Variants in LAMA2 observed in about 807,000 individuals in gnomAD.
The protein encoded by LAMA2 is laminin subunit alpha 2.
In LAMA2, 269 loss-of-function variants were observed where a neutral mutation model predicts 364.8. The observed-to-expected ratio is 0.74, with a 90% CI of 0.67 to 0.82. The LOEUF is 0.82. LAMA2 is among the 40% of genes least tolerant of loss of function. The pLI is 0.00. For missense variants in LAMA2, 3,807 were observed against 3,873.2 expected (o/e 0.98, Z 0.45); for synonymous variants, 1,379 against 1,370.6 (o/e 1.01, Z -0.14).
rs554964483 is a variant in LAMA2, at chr6:129,304,728, A to C, written c.3174+3856A>C. Among the ~76,000 whole-genome samples the C allele has an allele frequency of 3.9e-5, 6 of 152,236 alleles. No individual in the cohort carries two copies. The East Asian group carries it at 9.6e-4, about 24-fold the overall frequency. ...TTTCACTTGGTTTAATATAATCTTT[A>C]ATTTATTTTGGGGATAATGTTTAGT... On this transcript the variant is annotated intron_variant, in intron 22 of 64. Coordinates refer to ENST00000421865, the MANE Select transcript of LAMA2 (RefSeq NM_000426.4).
intron 1 of LAMA2, among the ~76,000 whole-genome samples, chr6:128,951,902 G>A (rs907598091): frequency 6.6e-6 from 1 of 152,148 alleles, no homozygotes; most frequent in African/African-American, 2.4e-5. Context: ...TCACACAGGT[G>A]TGTGGTAATC....
chr6:129,283,583 C>T (rs149875681), intron 18 of LAMA2, among the ~76,000 whole-genome samples: 398 of 151,830 alleles, frequency 2.6e-3, no homozygotes, highest in Middle Eastern at 0.014. Context: ...ACTAATCTCA[C>T]AATTGCCACT....
intron 3 of LAMA2, among the ~76,000 whole-genome samples, chr6:129,081,098 A>T (rs1401133511): frequency 1.3e-5 from 2 of 152,216 alleles, no homozygotes; most frequent in Non-Finnish European, 2.9e-5. Flanking sequence ...TTGTAGGGAT[A>T]TGGATGAAGC....
At chr6:129,326,543 C>T (rs1041852252) in intron 28 of LAMA2, among the ~76,000 whole-genome samples, 1 of 151,626 alleles carries the variant, frequency 6.6e-6, no homozygotes, top group African/African-American at 2.4e-5. Context: ...AGGAAACTTC[C>T]TCTCAATTTG....
At chr6:129,266,646 G>T (rs528789970) in intron 15 of LAMA2, among the ~76,000 whole-genome samples, 2 of 152,194 alleles carry the variant, frequency 1.3e-5, no homozygotes, top group East Asian at 3.9e-4. Context: ...ATGACGTTAA[G>T]GGCAATTAGT....
In LAMA2 at chr6:129,115,512, G is replaced by T. The variant is rs1417521375; in HGVS notation, c.639+17097G>T. Among the ~76,000 whole-genome samples the T allele has an allele frequency of 2.6e-5, 4 of 152,036 alleles. No homozygotes were observed. The East Asian group carries it at 7.7e-4, about 29-fold the overall frequency. ...CTGTTTATTCATTTTAAAGAGACAT[G>T]GTTAAGTAAGTCTAACAGCCTCCTT... On this transcript the variant is annotated intron_variant, in intron 4 of 64. Coordinates refer to ENST00000421865, the MANE Select transcript of LAMA2 (RefSeq NM_000426.4).
intron 12 of LAMA2, among the ~76,000 whole-genome samples, chr6:129,207,960 G>A (rs1264877363): frequency 6.6e-6 from 1 of 152,182 alleles, no homozygotes; most frequent in African/African-American, 2.4e-5. Flanking sequence ...AGAGGGAACT[G>A]GTTGGGATTC....
intron 3 of LAMA2, among the ~76,000 whole-genome samples, chr6:129,077,171 T>A (rs1209383314): frequency 6.6e-6 from 1 of 152,178 alleles, no homozygotes; most frequent in African/African-American, 2.4e-5. Context: ...ATTTTTTTGC[T>A]TCTTCATTAT....
chr6:128,907,242 A>C (rs1365851712), intron 1 of LAMA2, among the ~76,000 whole-genome samples: 1 of 141,786 alleles, frequency 7.1e-6, no homozygotes, highest in African/African-American at 2.7e-5. Flanking sequence ...GGCCATTTTC[A>C]CGATATTGAT....
intron 53 of LAMA2, 128 bp from the exon 54 acceptor site, chr6:129,478,565 C>A: frequency 2.1e-6 from 2 of 934,500 alleles, no homozygotes; most frequent in South Asian, 1.4e-5. Context: ...GCTGGGTACA[C>A]GTGTGCACAG....
intron 12 of LAMA2, among the ~76,000 whole-genome samples, chr6:129,240,768 A>G (rs894031031): frequency 1.3e-5 from 2 of 152,238 alleles, no homozygotes; most frequent in Admixed American, 6.5e-5. Context: ...AAATGCATTT[A>G]TAACTTATAA....
chr6:129,016,655 G>A (rs545381316), intron 1 of LAMA2, among the ~76,000 whole-genome samples: 1 of 151,986 alleles, frequency 6.6e-6, no homozygotes, highest in Admixed American at 6.5e-5. Flanking sequence ...CTAGATAGAA[G>A]TCAGGATACT....
At chr6:128,924,409 G>A (rs751343615) in intron 1 of LAMA2, among the ~76,000 whole-genome samples, 4 of 151,992 alleles carry the variant, frequency 2.6e-5, no homozygotes, top group East Asian at 1.9e-4. Flanking sequence ...TGCTCATAAA[G>A]GAGAAAGAGG....
intron 18 of LAMA2, among the ~76,000 whole-genome samples, chr6:129,284,596 T>C (rs978581210): frequency 2.6e-5 from 4 of 152,174 alleles, no homozygotes; most frequent in East Asian, 1.9e-4. Context: ...TATTGTTTCA[T>C]TGTTTTCAGT....
chr6:129,192,754 G>A lies in LAMA2; in HGVS notation c.1683G>A (p.Leu561=), dbSNP rs773590228. 14 of 1,614,036 alleles carry A rather than the reference G, an allele frequency of 8.7e-6. No homozygotes were observed. Among genetic ancestry groups the A allele is most frequent in the Non-Finnish European group, 1.7e-6 (2 of 1,180,030 alleles). Residue 561 remains leucine (L), a synonymous_variant, in exon 12 of 65, where the codon TTG becomes TTA. Coordinates refer to ENST00000421865, the MANE Select transcript of LAMA2 (RefSeq NM_000426.4). ...RIRVAPQQDD[L]DSPQQISISN... Reference sequence around the variant, plus strand: ...GAGTGGCTCCCCAGCAGGACGACTTGGACTCACCTCAGCAGATCAGCATCA... The same window carrying A: ...GAGTGGCTCCCCAGCAGGACGACTTAGACTCACCTCAGCAGATCAGCATCA...
intron 22 of LAMA2, among the ~76,000 whole-genome samples, chr6:129,303,287 C>G (rs1773662726): frequency 6.6e-6 from 1 of 152,064 alleles, no homozygotes; most frequent in African/African-American, 2.4e-5. Flanking sequence ...TATACCTTAT[C>G]CTTCTATACT....
chr6:129,246,980 C>T (rs1785795117), intron 12 of LAMA2, among the ~76,000 whole-genome samples: 1 of 152,012 alleles, frequency 6.6e-6, no homozygotes, highest in Non-Finnish European at 1.5e-5. Flanking sequence ...GGTATGTACT[C>T]TTTGGGGAAG....
chr6:128,910,812 C>T (rs13205730), intron 1 of LAMA2, among the ~76,000 whole-genome samples: 15,970 of 143,122 alleles, frequency 0.11, 1,262 homozygotes, highest in African/African-American at 0.22. Context: ...CAGATGGGTT[C>T]TTGGTGTGGA....
chr6:129,300,321 C>T (rs1214378927), intron 21 of LAMA2, among the ~76,000 whole-genome samples: 2 of 152,008 alleles, frequency 1.3e-5, no homozygotes, highest in South Asian at 2.1e-4. Context: ...TACTGCAGAT[C>T]GGGCTCATCA....
Sources: allele counts gnomAD v4.1 joint callset (sites outside exome capture counted in the v4.1 genomes callset), GRCh38; gene constraint gnomAD v4.1.1; transcripts MANE v1.5; gene names NCBI Gene and HGNC (gene_info 2026-07-23, HGNC 2026-07-21).